LYSMD3: variants seen among roughly 807,000 people sequenced by gnomAD.
LYSMD3 encodes LysM domain containing 3, also known as lysM and putative peptidoglycan-binding domain-containing protein 3.
A neutral mutation model predicts 26.1 loss-of-function variants in LYSMD3; 13 were observed. That is an observed-to-expected ratio of 0.50 (90% CI 0.32 to 0.79). LYSMD3 has a LOEUF of 0.79. Among genes scored for constraint, LYSMD3 ranks in the 30% least tolerant of loss-of-function variants. The probability of loss-of-function intolerance (pLI) is 0.03; values close to 1 mark genes in which losing one functional copy is unlikely to be tolerated. For missense variants in LYSMD3, 331 were observed against 362.5 expected (o/e 0.91, Z 0.71); for synonymous variants, 109 against 119.4 (o/e 0.91, Z 0.57).
chr5:90,528,902 T>C (rs1561269279), intron 1 of LYSMD3, among the ~76,000 whole-genome samples: 1 of 151,280 alleles, frequency 6.6e-6, no homozygotes, highest in Non-Finnish European at 1.5e-5. Flanking sequence ...CTTCTTTAAC[T>C]AAGCAAGGTG....
At position 90,518,488 on chromosome 5, in the gene LYSMD3, CATT is replaced by C; in HGVS notation, c.*328_*330del. The stretch of plus-strand genomic sequence containing the variant: ...CTATCATTCTGCATCATAAATTTAA[CATT>C]AATAAACTTTTTAAAAATTACTTAA... On this transcript the variant is annotated 3_prime_UTR_variant, in exon 3 of 3. Transcript: ENST00000315948. 1.0e-5 allele frequency: 2 copies of C among 195,172 alleles called. No individual in the cohort carries two copies. Among genetic ancestry groups the C allele is most frequent in the South Asian group, 3.2e-4 (2 of 6,320 alleles). The allele number at this position is 195,172 out of a possible 1,614,324, so 12.1% of individuals were successfully genotyped here. A position where few individuals can be genotyped will look rare whatever the true frequency, so the allele number is the denominator to read the frequency against.
At position 90,515,750 on chromosome 5, in the gene LYSMD3, A is replaced by G. The variant is rs1752929358; in HGVS notation, c.*3069T>C. The G allele has an allele frequency of 6.6e-6, 1 of 152,212 alleles. No individual in the cohort carries two copies. Among genetic ancestry groups the G allele is most frequent in the Non-Finnish European group, 1.5e-5 (1 of 68,020 alleles). The allele number at this position is 152,212 out of a possible 1,614,324, so 9.4% of individuals were successfully genotyped here. A position where few individuals can be genotyped will look rare whatever the true frequency, so the allele number is the denominator to read the frequency against. ...CATGCTAACAATGTTCTACAGTTAC[A>G]TTTGTATAAAATACATTATACAAAA... On this transcript the variant is annotated 3_prime_UTR_variant, in exon 3 of 3. Transcript: ENST00000315948.
At chr5:90,528,090 C>T (rs1367444769) in intron 1 of LYSMD3, among the ~76,000 whole-genome samples, 5 of 152,174 alleles carry the variant, frequency 3.3e-5, no homozygotes, top group Non-Finnish European at 5.9e-5. Context: ...ACATCTTTTC[C>T]TCCAAGGATA....
intron 2 of LYSMD3, among the ~76,000 whole-genome samples, chr5:90,523,610 C>G (rs1196466975): frequency 2.0e-5 from 3 of 152,052 alleles, no homozygotes; most frequent in Non-Finnish European, 2.9e-5. Flanking sequence ...CATACACACA[C>G]TTTCCACTTT....
chr5:90,528,511 C>T (rs923664508), intron 1 of LYSMD3, among the ~76,000 whole-genome samples: 3 of 152,170 alleles, frequency 2.0e-5, no homozygotes, highest in African/African-American at 7.2e-5. Flanking sequence ...CTCACTATCT[C>T]TCCACTCCCC....
At chr5:90,519,934 T>A (rs926785120) in intron 2 of LYSMD3, among the ~76,000 whole-genome samples, 1 of 151,460 alleles carries the variant, frequency 6.6e-6, no homozygotes, top group South Asian at 2.1e-4. Context: ...GCCATAACTC[T>A]AAGATGCAGT....
In LYSMD3 at chr5:90,516,607, A is replaced by C; in HGVS notation, c.*2212T>G. On this transcript the variant is annotated 3_prime_UTR_variant, in exon 3 of 3. Coordinates refer to ENST00000315948, the MANE Select transcript of LYSMD3 (RefSeq NM_198273.2). Reference sequence around the variant, plus strand: ...TTCCAAATGTATTAAATGCTTAGAAAATTCATTTCTTTCCTAAACAGATTA... The same window carrying C: ...TTCCAAATGTATTAAATGCTTAGAACATTCATTTCTTTCCTAAACAGATTA... The C allele has an allele frequency of 6.6e-6, 1 of 152,262 alleles. No individual in the cohort carries two copies. The highest frequency in any genetic ancestry group is 1.9e-4 in the East Asian group (1 of 5,202). 9.4% of individuals were successfully genotyped at this position (152,262 alleles called of 1,614,324 possible). A position where few individuals can be genotyped will look rare whatever the true frequency, so the allele number is the denominator to read the frequency against.
rs553801697 is a variant in LYSMD3 at position 90,521,732 on chromosome 5, T to C, written c.256-2248A>G. Among the ~76,000 whole-genome samples, 10 of 152,130 alleles carry C rather than the reference T, an allele frequency of 6.6e-5. No individual in the cohort carries two copies. In the South Asian group the frequency reaches 1.7e-3, roughly 25 times the overall value. On this transcript the variant is annotated intron_variant, in intron 2 of 2. Transcript: ENST00000315948. ...CAAGGTTTAGTATCTACCTAAGTTA[T>C]CTCCCTGAATATCCCTATAATGACT...
chr5:90,521,520 CTAAAAGATGAAACA>C (rs2151921230), intron 2 of LYSMD3, among the ~76,000 whole-genome samples: 1 of 152,050 alleles, frequency 6.6e-6, no homozygotes, highest in South Asian at 2.1e-4. Context: ...TGAACAATAA[CTAAAAGATGAAACA>C]GTAAAGATAA....
chr5:90,521,913 G>T (rs1196798084), intron 2 of LYSMD3, among the ~76,000 whole-genome samples: 1 of 152,040 alleles, frequency 6.6e-6, no homozygotes, highest in Non-Finnish European at 1.5e-5. Flanking sequence ...TTTTTTAAAT[G>T]ATAGATCCTT....
chr5:90,517,035 T>G lies in LYSMD3; in HGVS notation c.*1784A>C, dbSNP rs1752968614. Reference sequence around the variant, plus strand: ...TTTTCAGCAGACTTAATAAATACAATGTAAAATGACCAGTTAACACTAAGC... The same window carrying G: ...TTTTCAGCAGACTTAATAAATACAAGGTAAAATGACCAGTTAACACTAAGC... On this transcript the variant is annotated 3_prime_UTR_variant, in exon 3 of 3. Transcript: ENST00000315948. The G allele has an allele frequency of 6.6e-6, 1 of 152,466 alleles. No individual in the cohort carries two copies. Among genetic ancestry groups the G allele is most frequent in the African/African-American group, 2.4e-5 (1 of 41,454 alleles). The allele number at this position is 152,466 out of a possible 1,614,324, so 9.4% of individuals were successfully genotyped here. A position where few individuals can be genotyped will look rare whatever the true frequency, so the allele number is the denominator to read the frequency against.
rs1210683445 is a variant in LYSMD3, at chr5:90,517,483, A to G, written c.*1336T>C. The G allele has an allele frequency of 6.6e-6, 1 of 152,036 alleles. No individual in the cohort carries two copies. Among genetic ancestry groups the G allele is most frequent in the Non-Finnish European group, 1.5e-5 (1 of 67,902 alleles). The allele number at this position is 152,036 out of a possible 1,614,324, so 9.4% of individuals were successfully genotyped here. A position where few individuals can be genotyped will look rare whatever the true frequency, so the allele number is the denominator to read the frequency against. ...GAATCATTCTGGTTACATTTTTAAA[A>G]CACATACTTTTAAAGATTAAATGAT... is the stretch of plus-strand genomic sequence containing the variant. On this transcript the variant is annotated 3_prime_UTR_variant, in exon 3 of 3. Transcript: ENST00000315948.
chr5:90,520,929 A>AAAGTAATT (rs1443669420), intron 2 of LYSMD3, among the ~76,000 whole-genome samples: 1 of 152,134 alleles, frequency 6.6e-6, no homozygotes, highest in Non-Finnish European at 1.5e-5. Context: ...AAAAAAAAAA[A>AAAGTAATT]AAGTAATTGA....
chr5:90,520,096 T>C (rs1753052414), intron 2 of LYSMD3, among the ~76,000 whole-genome samples: 1 of 152,150 alleles, frequency 6.6e-6, no homozygotes, highest in Non-Finnish European at 1.5e-5. Flanking sequence ...TGAAGCCATT[T>C]CCCTCCCAAA....
At chr5:90,522,084 GTGGGGC>G (rs1753102162) in intron 2 of LYSMD3, among the ~76,000 whole-genome samples, 1 of 152,116 alleles carries the variant, frequency 6.6e-6, no homozygotes, top group Non-Finnish European at 1.5e-5. Context: ...AATGTTAGGG[GTGGGGC>G]CTGGGGGAGG....
chr5:90,518,798 C>CAAAT lies in LYSMD3; in HGVS notation c.*20_*21insATTT. ...TTCCAGATGCACATGTGACCACTAACATTTGATTATGAGCTAATTGCTATG... is the reference window on the plus strand; with the variant it reads ...TTCCAGATGCACATGTGACCACTAACAAATATTTGATTATGAGCTAATTGCTATG... On this transcript the variant is annotated 3_prime_UTR_variant, in exon 3 of 3. Transcript: ENST00000315948. 1 of 1,470,012 alleles carries CAAAT rather than the reference C, an allele frequency of 6.8e-7. No individual in the cohort carries two copies. The highest frequency in any genetic ancestry group is 2.3e-5 in the East Asian group (1 of 43,742). 91.1% of individuals were successfully genotyped at this position (1,470,012 alleles called of 1,614,324 possible).
Position 90,519,238 on chromosome 5 carries a change from T to C in LYSMD3, c.502A>G (p.Ile168Val), listed in dbSNP as rs772785783. The change falls in exon 3 of 3, where the codon ATA becomes GTA. Residue 168 changes from isoleucine to valine, a missense_variant. Physicochemically the swap from Ile to Val is conservative, Grantham distance 29 (BLOSUM62 3). Transcript: ENST00000315948. Reference sequence around the variant, plus strand: ...TCTGTACACTTTACTATTTGTTCTATGTCTCGGTCTACTTCTTTTAAAAAG... The same window carrying C: ...TCTGTACACTTTACTATTTGTTCTACGTCTCGGTCTACTTCTTTTAAAAAG... ...GSFLKEVDRD[I>V]EQIVKCTDNK... is the part of the protein sequence containing the mutation. 371 of 1,613,900 alleles carry C rather than the reference T, an allele frequency of 2.3e-4. 6 individuals are homozygous for C. In the South Asian group the frequency reaches 3.5e-3, roughly 15 times the overall value.
At position 90,516,947 on chromosome 5, in the gene LYSMD3, C is replaced by G. The variant is rs922145149; in HGVS notation, c.*1872G>C. 1.3e-5 allele frequency: 2 copies of G among 152,412 alleles called. No individual in the cohort carries two copies. Among genetic ancestry groups the G allele is most frequent in the African/African-American group, 4.8e-5 (2 of 41,424 alleles). 9.4% of individuals were successfully genotyped at this position (152,412 alleles called of 1,614,324 possible). On this transcript the variant is annotated 3_prime_UTR_variant, in exon 3 of 3. Coordinates refer to ENST00000315948, the MANE Select transcript of LYSMD3 (RefSeq NM_198273.2). ...TCATCAATTTGATGTAAACAAAGTT[C>G]TTCAAAGGACACCTGGCCTGTTTAC...
chr5:90,519,230 T>C lies in LYSMD3; in HGVS notation c.510A>G (p.Gln170=). Residue 170 remains glutamine (Q), a synonymous_variant, in exon 3 of 3, where the codon CAA becomes CAG. Transcript: ENST00000315948. The part of the protein sequence containing the change: ...FLKEVDRDIE[Q]IVKCTDNKRE... ...TCTTATTGTCTGTACACTTTACTAT[T>C]TGTTCTATGTCTCGGTCTACTTCTT... The C allele has an allele frequency of 6.2e-7, 1 of 1,614,018 alleles. No homozygotes were observed. Among genetic ancestry groups the C allele is most frequent in the Non-Finnish European group, 8.5e-7 (1 of 1,179,996 alleles).
Sources: gnomAD v4.1 joint callset for allele counts (sites outside exome capture counted in the v4.1 genomes callset) on GRCh38, gnomAD v4.1.1 for gene constraint, MANE v1.5 for transcripts, NCBI Gene and HGNC (gene_info 2026-07-23, HGNC 2026-07-21) for gene names.